FOXP1: variants seen among roughly 807,000 people sequenced by gnomAD.
The protein encoded by FOXP1 is forkhead box P1.
In FOXP1, 15 loss-of-function variants were observed where a neutral mutation model predicts 98.2. That is an observed-to-expected ratio of 0.15 (90% CI 0.10 to 0.24). The LOEUF (loss-of-function observed/expected upper bound fraction) is 0.24. FOXP1 is among the 10% of genes least tolerant of loss of function. FOXP1 has a pLI of 1.00. For synonymous variants in FOXP1, 371 were observed against 314.5 expected, an observed-to-expected ratio of 1.18 and a Z score of -1.90; for missense variants, 633 against 848.5, an observed-to-expected ratio of 0.75 and a Z score of 3.15.
At chr3:71,265,027 T>C (rs989035502) in intron 5 of FOXP1, among the ~76,000 whole-genome samples, 8 of 152,148 alleles carry the variant, frequency 5.3e-5, no homozygotes, top group African/African-American at 1.9e-4. Context: ...TGTGCACGTA[T>C]ACACACTCAG....
Position 71,226,935 on chromosome 3 carries a change from A to C in FOXP1, c.-11-28543T>G, listed in dbSNP as rs151165837. Among the ~76,000 whole-genome samples the C allele has an allele frequency of 1.1e-4, 17 of 152,224 alleles. No individual in the cohort carries two copies. The East Asian group carries it at 2.1e-3, about 19-fold the overall frequency. On this transcript the variant is annotated intron_variant, in intron 5 of 20. Transcript: ENST00000649528. ...CACGCAGGATGTCAGACGGCAGCTG[A>C]CAGTCCCCTCTGATGACAGGGCAGA...
At chr3:70,991,460 T>A (rs895290284) in intron 13 of FOXP1, among the ~76,000 whole-genome samples, 1 of 152,154 alleles carries the variant, frequency 6.6e-6, no homozygotes, top group Non-Finnish European at 1.5e-5. Flanking sequence ...TCCTCAAAGA[T>A]ACAAACTAAG....
At chr3:71,280,319 A>ATCTT (rs1241759365) in intron 5 of FOXP1, among the ~76,000 whole-genome samples, 2 of 93,156 alleles carry the variant, frequency 2.1e-5, no homozygotes, top group African/African-American at 9.6e-5. Context: ...ATTTTACAAT[A>ATCTT]TCTTTTTTTT....
intron 11 of FOXP1, among the ~76,000 whole-genome samples, chr3:71,016,662 C>CACACAG (rs2044538446): frequency 6.8e-6 from 1 of 146,524 alleles, no homozygotes; most frequent in Non-Finnish European, 1.5e-5. Context: ...CAAGAACACA[C>CACACAG]ACACACACAC....
At chr3:71,353,729 C>T (rs189603936) in intron 4 of FOXP1, among the ~76,000 whole-genome samples, 10 of 152,208 alleles carry the variant, frequency 6.6e-5, no homozygotes, top group African/African-American at 1.7e-4. Flanking sequence ...CATTCTTGTC[C>T]GCTAGAAAGT....
At chr3:71,395,428 T>C (rs899832637) in intron 3 of FOXP1, among the ~76,000 whole-genome samples, 2 of 150,748 alleles carry the variant, frequency 1.3e-5, no homozygotes, top group Non-Finnish European at 3.0e-5. Flanking sequence ...GGTTGTTCCC[T>C]AAGTCTGGAA....
chr3:71,462,225 G>T (rs2088208459), intron 3 of FOXP1, among the ~76,000 whole-genome samples: 1 of 152,166 alleles, frequency 6.6e-6, no homozygotes, highest in Non-Finnish European at 1.5e-5. Context: ...TAAAAAATGG[G>T]AATGCTAAAC....
At chr3:71,084,687 A>T (rs896951374) in intron 7 of FOXP1, among the ~76,000 whole-genome samples, 3 of 152,238 alleles carry the variant, frequency 2.0e-5, no homozygotes, top group African/African-American at 7.2e-5. Context: ...TGCATAGTTA[A>T]CACTATTTTT....
At chr3:71,390,325 T>A (rs1374246501) in intron 3 of FOXP1, among the ~76,000 whole-genome samples, 1 of 151,860 alleles carries the variant, frequency 6.6e-6, no homozygotes, top group African/African-American at 2.4e-5. Context: ...ACTTCAGCAG[T>A]GGGATTCTAA....
chr3:71,345,871 TAAAAAAAA>T (rs71120316), intron 4 of FOXP1, among the ~76,000 whole-genome samples: 16,186 of 55,482 alleles, frequency 0.29, 1,926 homozygotes, highest in Middle Eastern at 0.42. Context: ...AAAGTTTTTG[TAAAAAAAA>T]AAAAAAAAAA....
At chr3:71,188,052 C>T (rs768390581) in intron 6 of FOXP1, among the ~76,000 whole-genome samples, 1 of 152,076 alleles carries the variant, frequency 6.6e-6, no homozygotes, top group African/African-American at 2.4e-5. Context: ...TCACTTTTGC[C>T]CTGCTTTAGG....
intron 3 of FOXP1, among the ~76,000 whole-genome samples, chr3:71,461,004 T>C (rs1474623064): frequency 6.6e-6 from 1 of 152,182 alleles, no homozygotes. Context: ...AATAAAGAGA[T>C]GGGCAATATC....
rs534947264 is a variant in FOXP1, at chr3:70,959,552, C to T, written c.1890-161G>A. 6.9e-4 allele frequency among the ~76,000 whole-genome samples: 105 copies of T among 152,254 alleles called. 1 individual carries two copies. The highest frequency in any genetic ancestry group is 2.2e-3 in the African/African-American group (90 of 41,564). On this transcript the variant is annotated intron_variant, in intron 20 of 20. Coordinates refer to ENST00000649528, the MANE Select transcript of FOXP1 (RefSeq NM_001349338.3). ...ACGTGGCTCTTTAAATTGAAATGAA[C>T]GAAATCTTACTACATTTAATATTCA...
At chr3:70,964,729 C>G (rs1424898080) in intron 20 of FOXP1, among the ~76,000 whole-genome samples, 1 of 152,130 alleles carries the variant, frequency 6.6e-6, no homozygotes, top group African/African-American at 2.4e-5. Flanking sequence ...AGATACTGTT[C>G]ATATAAATTA....
chr3:70,971,953 C>T (rs779032873), intron 18 of FOXP1: 15 of 1,314,794 alleles, frequency 1.1e-5, no homozygotes, highest in Non-Finnish European at 1.5e-5. Context: ...GATGAGTCAA[C>T]CATGCAAAGC....
intron 2 of FOXP1, among the ~76,000 whole-genome samples, chr3:71,527,597 C>T (rs1483033291): frequency 6.6e-6 from 1 of 152,232 alleles, no homozygotes; most frequent in East Asian, 1.9e-4. Context: ...CATCCACTAC[C>T]ATCCATGACT....
At chr3:71,534,790 C>T (rs2044155830) in intron 2 of FOXP1, among the ~76,000 whole-genome samples, 1 of 152,160 alleles carries the variant, frequency 6.6e-6, no homozygotes, top group African/African-American at 2.4e-5. Context: ...TTCCAACTGT[C>T]ACTTTTCTAG....
chr3:70,978,713 C>G (rs372778376), intron 14 of FOXP1, among the ~76,000 whole-genome samples: 1 of 151,842 alleles, frequency 6.6e-6, no homozygotes, highest in African/African-American at 2.4e-5. Flanking sequence ...CCTGACCCCA[C>G]CAGCTGTCAT....
intron 3 of FOXP1, among the ~76,000 whole-genome samples, chr3:71,383,583 G>A (rs1341516694): frequency 6.6e-6 from 1 of 152,154 alleles, no homozygotes; most frequent in Non-Finnish European, 1.5e-5. Context: ...CTTTTTCTAT[G>A]CAAAGTAGCT....
Sources: gnomAD v4.1 joint callset for allele counts (sites outside exome capture counted in the v4.1 genomes callset) on GRCh38, gnomAD v4.1.1 for gene constraint, MANE v1.5 for transcripts, NCBI Gene and HGNC (gene_info 2026-07-23, HGNC 2026-07-21) for gene names.